The following PPP2R5B variants were observed in gnomAD, a reference collection of about 807,000 sequenced individuals.
PPP2R5B encodes protein phosphatase 2 regulatory subunit B'beta.
Under a neutral mutation model 59.9 loss-of-function variants are expected in PPP2R5B, and 19 were observed. The observed-to-expected ratio is 0.32, with a 90% confidence interval of 0.22 to 0.47. The LOEUF (loss-of-function observed/expected upper bound fraction) is 0.47. Ranked by LOEUF, PPP2R5B falls within the 20% of genes least tolerant of loss-of-function variation. The pLI is 1.00. For missense variants in PPP2R5B, 441 were observed against 640.2 expected, an observed-to-expected ratio of 0.69 and a Z score of 3.36; for synonymous variants, 286 against 260.5, an observed-to-expected ratio of 1.10 and a Z score of -0.94.
chr11:64,928,861 G>A (rs892308830), intron 6 of PPP2R5B, among the ~76,000 whole-genome samples: 3 of 152,278 alleles, frequency 2.0e-5, no homozygotes, highest in East Asian at 1.9e-4. Flanking sequence ...TCCGCAGTCC[G>A]GCCTGGGCGA....
Position 64,925,794 on chromosome 11 carries a change from G to T in PPP2R5B, c.60G>T (p.Ser20=). 3.8e-6 allele frequency: 6 copies of T among 1,581,600 alleles called. No individual in the cohort carries two copies. Among genetic ancestry groups the T allele is most frequent in the Non-Finnish European group, 4.3e-6 (5 of 1,161,552 alleles). Residue 20 remains serine, a synonymous_variant, in exon 2 of 14, where the codon TCG becomes TCT. Coordinates refer to ENST00000164133, the MANE Select transcript of PPP2R5B (RefSeq NM_006244.4). This position sits in a 1 kb window ranked among gnomAD's most constrained non-coding sequence, Gnocchi z 4.6. ...CTAGCCCCTCCTCCCCCGGGCTGTCGCCTGTGCCCCCACCCGACAAGGTGG... is the reference window on the plus strand; with the variant it reads ...CTAGCCCCTCCTCCCCCGGGCTGTCTCCTGTGCCCCCACCCGACAAGGTGG... The part of the protein sequence containing the change: ...TPTSPSSPGL[S]PVPPPDKVDG...
Position 64,925,539 on chromosome 11 carries a change from C to T in PPP2R5B, c.-196C>T. On this transcript the variant is annotated 5_prime_UTR_variant, in exon 2 of 14. Coordinates refer to ENST00000164133, the MANE Select transcript of PPP2R5B (RefSeq NM_006244.4). The surrounding 1 kb of genome is among the most constrained non-coding windows in gnomAD (Gnocchi z 4.6). ...AAGGATCTGAGGCCTGAGCCATCCT[C>T]CTTTCTACCCTGTCTGCCCCCCAGG... 1 of 562,308 alleles carries T rather than the reference C, an allele frequency of 1.8e-6. No homozygotes were observed. The highest frequency in any genetic ancestry group is 3.1e-5 in the East Asian group (1 of 31,936). 34.8% of individuals were successfully genotyped at this position (562,308 alleles called of 1,614,324 possible).
chr11:64,925,486 C>A lies in PPP2R5B; in HGVS notation c.-249C>A. ...TTTTCAAAAGAGCCAGGGTGGGAAC[C>A]CTAACTGGACTCTTCGGGACCCCCA... On this transcript the variant is annotated 5_prime_UTR_variant, in exon 2 of 14. Coordinates refer to ENST00000164133, the MANE Select transcript of PPP2R5B (RefSeq NM_006244.4). The surrounding 1 kb of genome is among the most constrained non-coding windows in gnomAD (Gnocchi z 4.6). The A allele has an allele frequency of 2.3e-6, 1 of 434,248 alleles. No individual in the cohort carries two copies. The highest frequency in any genetic ancestry group is 4.1e-6 in the Non-Finnish European group (1 of 241,824). 26.9% of individuals were successfully genotyped at this position (434,248 alleles called of 1,614,324 possible).
rs1239688068 is a variant in PPP2R5B at position 64,931,892 on chromosome 11, T to A, written c.1116+24T>A. 1 of 1,612,578 alleles carries A rather than the reference T, an allele frequency of 6.2e-7. No individual in the cohort carries two copies. Among genetic ancestry groups the A allele is most frequent in the East Asian group, 2.2e-5 (1 of 44,874 alleles). On this transcript the variant is annotated intron_variant, in intron 11 of 13. Transcript: ENST00000164133. This position sits in a 1 kb window ranked among gnomAD's most constrained non-coding sequence, Gnocchi z 5.0. ...AGGTATGAGGCAGGACAGGCGGGGA[T>A]GGGAGCAGGGCTGGCCTGGAAAGGT...
chr11:64,922,063 C>T (rs1353501347), upstream of PPP2R5B, among the ~76,000 whole-genome samples: 2 of 151,942 alleles, frequency 1.3e-5, no homozygotes, highest in Non-Finnish European at 2.9e-5. Context: ...AAAAAATTAG[C>T]CAGGAGTGGT....
rs746521587 is a variant in PPP2R5B, at chr11:64,930,605, G to A, written c.891+16G>A. 1.2e-6 allele frequency: 2 copies of A among 1,605,268 alleles called. No individual in the cohort carries two copies. Among genetic ancestry groups the A allele is most frequent in the Admixed American group, 1.7e-5 (1 of 59,988 alleles). On this transcript the variant is annotated intron_variant, in intron 8 of 13. Transcript: ENST00000164133. Reference sequence around the variant, plus strand: ...CCATGCCCAGGTGAGGCCCAGGCCTGTCCCTGCTGCAGCAGGAGCTCCAGA... The same window carrying A: ...CCATGCCCAGGTGAGGCCCAGGCCTATCCCTGCTGCAGCAGGAGCTCCAGA...
chr11:64,925,614 G>GGCCCC lies in PPP2R5B; in HGVS notation c.-121_-120insGCCCC. ...GGGGGGGGCCCAGGACTGTGGTTGT[G>GGCCCC]CCCCCCCCCCAAAGGCCGGACAGGA... On this transcript the variant is annotated 5_prime_UTR_variant, in exon 2 of 14. Coordinates refer to ENST00000164133, the MANE Select transcript of PPP2R5B (RefSeq NM_006244.4). This position sits in a 1 kb window ranked among gnomAD's most constrained non-coding sequence, Gnocchi z 4.6. 18 of 450,318 alleles carry GGCCCC rather than the reference G, an allele frequency of 4.0e-5. No homozygotes were observed. The highest frequency in any genetic ancestry group is 1.6e-4 in the East Asian group (3 of 18,360). The allele number at this position is 450,318 out of a possible 1,614,324, so 27.9% of individuals were successfully genotyped here. A position where few individuals can be genotyped will look rare whatever the true frequency, so the allele number is the denominator to read the frequency against.
intron 6 of PPP2R5B, among the ~76,000 whole-genome samples, chr11:64,929,818 G>T (rs1945208698): frequency 6.6e-6 from 1 of 152,194 alleles, no homozygotes; most frequent in African/African-American, 2.4e-5. Context: ...ACTCAGCATA[G>T]CTCCTGGACT....
In PPP2R5B at chr11:64,925,762, AC is replaced by A; in HGVS notation, c.33del (p.Thr12LeufsTer66). 1 of 1,568,008 alleles carries A rather than the reference AC, an allele frequency of 6.4e-7. No homozygotes were observed. The highest frequency in any genetic ancestry group is 8.7e-7 in the Non-Finnish European group (1 of 1,149,964). METKLPPAS[T>X]PTSPSSPGLS... The stretch of plus-strand genomic sequence containing the variant: ...GGAGACGAAGCTGCCCCCTGCAAGC[AC>A]CCCCACTAGCCCCTCCTCCCCCGGG... On this transcript the variant is annotated frameshift_variant, in exon 2 of 14. Coordinates refer to ENST00000164133, the MANE Select transcript of PPP2R5B (RefSeq NM_006244.4). LOFTEE classifies it high-confidence loss of function. This position sits in a 1 kb window ranked among gnomAD's most constrained non-coding sequence, Gnocchi z 4.6.
chr11:64,925,798 G>T lies in PPP2R5B; in HGVS notation c.64G>T (p.Val22Leu). 1 of 1,590,106 alleles carries T rather than the reference G, an allele frequency of 6.3e-7. No individual in the cohort carries two copies. The change falls in exon 2 of 14, where the codon GTG becomes TTG. Residue 22 changes from valine (V) to leucine (L), a missense_variant. Val to Leu is a conservative substitution (Grantham distance 32). Transcript: ENST00000164133. The surrounding 1 kb of genome is among the most constrained non-coding windows in gnomAD (Gnocchi z 4.6). ...CCCCTCCTCCCCCGGGCTGTCGCCTGTGCCCCCACCCGACAAGGTGGACGG... is the reference window on the plus strand; with the variant it reads ...CCCCTCCTCCCCCGGGCTGTCGCCTTTGCCCCCACCCGACAAGGTGGACGG... Reference protein sequence around the residue: ...TSPSSPGLSPVPPPDKVDGFS... With the variant: ...TSPSSPGLSPLPPPDKVDGFS...
Position 64,925,626 on chromosome 11 carries a change from A to C in PPP2R5B, c.-109A>C. The stretch of plus-strand genomic sequence containing the variant: ...GGACTGTGGTTGTGCCCCCCCCCCA[A>C]AGGCCGGACAGGATGGGACCAAGTT... On this transcript the variant is annotated 5_prime_UTR_variant, in exon 2 of 14. Coordinates refer to ENST00000164133, the MANE Select transcript of PPP2R5B (RefSeq NM_006244.4). The surrounding 1 kb of genome is among the most constrained non-coding windows in gnomAD (Gnocchi z 4.6). 43 of 297,172 alleles carry C rather than the reference A, an allele frequency of 1.4e-4. No individual in the cohort carries two copies. Among genetic ancestry groups the C allele is most frequent in the East Asian group, 2.7e-4 (2 of 7,496 alleles). 18.4% of individuals were successfully genotyped at this position (297,172 alleles called of 1,614,324 possible).
At chr11:64,930,861 T>C (rs1453612628) in intron 8 of PPP2R5B, among the ~76,000 whole-genome samples, 2 of 152,128 alleles carry the variant, frequency 1.3e-5, no homozygotes, top group African/African-American at 2.4e-5. Flanking sequence ...AAATCTATTA[T>C]GGGAGATTTT....
Position 64,931,422 on chromosome 11 carries a change from G to A in PPP2R5B, c.892-14G>A, listed in dbSNP as rs778819697. The stretch of plus-strand genomic sequence containing the variant: ...TGACCTGTCTTCCTTCCCTCCACCT[G>A]TCACCCCCTGCAGCTGGCATACTGT... On this transcript the variant is annotated splice_polypyrimidine_tract_variant and intron_variant, in intron 8 of 13. Coordinates refer to ENST00000164133, the MANE Select transcript of PPP2R5B (RefSeq NM_006244.4). This position sits in a 1 kb window ranked among gnomAD's most constrained non-coding sequence, Gnocchi z 5.0. 3 of 1,613,948 alleles carry A rather than the reference G, an allele frequency of 1.9e-6. No individual in the cohort carries two copies. Among genetic ancestry groups the A allele is most frequent in the South Asian group, 2.2e-5 (2 of 91,036 alleles).
chr11:64,927,956 A>G (rs1945186338), intron 4 of PPP2R5B, 53 bp downstream of exon 4: 1 of 1,568,154 alleles, frequency 6.4e-7, no homozygotes, highest in Non-Finnish European at 8.8e-7. Context: ...GATCCAAGGC[A>G]TGGGGAGAGG....
rs747411292 is a variant in PPP2R5B, at chr11:64,927,887, C to T, written c.482C>T (p.Ser161Leu). 5.0e-6 allele frequency: 8 copies of T among 1,607,704 alleles called. No homozygotes were observed. Among genetic ancestry groups the T allele is most frequent in the Admixed American group, 1.7e-5 (1 of 59,992 alleles). The part of the protein sequence containing the change: ...PEEDEPNLEP[S>L]WPHLQLVYEF... ...GAGGATGAGCCCAATCTTGAGCCTT[C>T]GTGGCCACACCTGCAGGTCTGAAGG... is the stretch of plus-strand genomic sequence containing the variant. Residue 161 changes from serine (S) to leucine (L), a missense_variant, in exon 4 of 14, where the codon TCG becomes TTG. This residue lies in a region of PPP2R5B where 268 missense variants were observed against 488.1 expected (regional missense o/e 0.55). Transcript: ENST00000164133.
Position 64,933,820 on chromosome 11 carries a change from G to T in PPP2R5B, c.1470G>T (p.Val490=). The change falls in exon 14 of 14, where the codon GTG becomes GTT. Residue 490 remains valine, a synonymous_variant. Coordinates refer to ENST00000164133, the MANE Select transcript of PPP2R5B (RefSeq NM_006244.4). ...EAPLQRLTPQ[V]AASGGQS The stretch of plus-strand genomic sequence containing the variant: ...CCCTCCAGCGGCTTACACCCCAGGT[G>T]GCCGCCAGTGGGGGTCAGAGCTAGA... 6.5e-7 allele frequency: 1 copy of T among 1,548,462 alleles called. No homozygotes were observed. Among genetic ancestry groups the T allele is most frequent in the East Asian group, 2.4e-5 (1 of 41,146 alleles).
upstream of PPP2R5B, among the ~76,000 whole-genome samples, chr11:64,920,704 G>T (rs1344122530): frequency 6.8e-6 from 1 of 148,030 alleles, no homozygotes; most frequent in Non-Finnish European, 1.5e-5. Context: ...ATCTCAGCTT[G>T]CTGCAACTTC....
Position 64,934,402 on chromosome 11 carries a change from G to C in PPP2R5B, c.*558G>C, listed in dbSNP as rs1022705715. On this transcript the variant is annotated 3_prime_UTR_variant, in exon 14 of 14. Transcript: ENST00000164133. ...GAGATTCACAGTGTCCTGGGGTAAG[G>C]GGGGGTTCACAGTAATCATGGTCTA... 20 of 357,948 alleles carry C rather than the reference G, an allele frequency of 5.6e-5. No individual in the cohort carries two copies. Among genetic ancestry groups the C allele is most frequent in the Non-Finnish European group, 6.8e-5 (13 of 190,244 alleles). The allele number at this position is 357,948 out of a possible 1,614,324, so 22.2% of individuals were successfully genotyped here.
In PPP2R5B at chr11:64,931,652, G is replaced by A; in HGVS notation, c.996+43G>A. The A allele has an allele frequency of 6.2e-7, 1 of 1,613,560 alleles. No homozygotes were observed. Among genetic ancestry groups the A allele is most frequent in the Non-Finnish European group, 8.5e-7 (1 of 1,179,862 alleles). On this transcript the variant is annotated intron_variant, in intron 10 of 13. Transcript: ENST00000164133. This position sits in a 1 kb window ranked among gnomAD's most constrained non-coding sequence, Gnocchi z 5.0. The stretch of plus-strand genomic sequence containing the variant: ...GATGCCCGCCAGAGGGAGGCTGGGA[G>A]GGCTCGGCCTCTAGAAGGCAGTCAG...
Sources: gnomAD v4.1 joint callset for allele counts (sites outside exome capture counted in the v4.1 genomes callset) on GRCh38, gnomAD v4.1.1 for gene constraint, gnomAD v4.1.1 regional missense constraint, Gnocchi (gnomAD v3.1) non-coding constraint, MANE v1.5 for transcripts, NCBI Gene and HGNC (gene_info 2026-07-23, HGNC 2026-07-21) for gene names.